MTMR3: variants seen among roughly 807,000 people sequenced by gnomAD.
The protein encoded by MTMR3 is myotubularin related protein 3.
A neutral mutation model predicts 132.4 loss-of-function variants in MTMR3; 32 were observed. The ratio of observed to expected loss-of-function variants is 0.24; its 90% CI spans 0.18 to 0.32. The LOEUF (loss-of-function observed/expected upper bound fraction) is 0.32. Among genes scored for constraint, MTMR3 ranks in the 10% least tolerant of loss-of-function variants. MTMR3 has a pLI of 1.00. For missense variants in MTMR3, 1,216 were observed against 1,489.6 expected (o/e 0.82, Z 3.02); for synonymous variants, 556 against 550.3 (o/e 1.01, Z -0.14).
At chr22:29,909,893 C>T (rs963966329) in intron 1 of MTMR3, among the ~76,000 whole-genome samples, 1 of 147,858 alleles carries the variant, frequency 6.8e-6, no homozygotes, top group Non-Finnish European at 1.5e-5. Context: ...CGGTGGCTCA[C>T]GCCTGTAATC....
At chr22:29,988,375 T>C in intron 5 of MTMR3, 105 bp from the exon 6 acceptor site, 2 of 721,024 alleles carry the variant, frequency 2.8e-6, no homozygotes, top group Non-Finnish European at 4.4e-6. Flanking sequence ...CTATTTTTGT[T>C]GCTTTCCCTT....
In MTMR3 at chr22:30,009,103, G is replaced by A. The variant is rs1473040797; in HGVS notation, c.1095G>A (p.Leu365=). 2.5e-6 allele frequency: 4 copies of A among 1,612,412 alleles called. No homozygotes were observed. Among genetic ancestry groups the A allele is most frequent in the African/African-American group, 2.7e-5 (2 of 74,842 alleles). The part of the protein sequence containing the change: ...IRRSFQSLRL[L]CTQMPDPGNW... ...GGAGTTTTCAGTCTCTGCGGTTGCT[G>A]TGCACTCAGATGCCAGATCCGGGAA... The change falls in exon 12 of 20, where the codon CTG becomes CTA. Residue 365 remains leucine (L), a synonymous_variant. Transcript: ENST00000401950.
intron 3 of MTMR3, among the ~76,000 whole-genome samples, chr22:29,976,896 T>C (rs2066640002): frequency 6.6e-6 from 1 of 152,156 alleles, no homozygotes; most frequent in African/African-American, 2.4e-5. Flanking sequence ...ACAAAATTAT[T>C]GGAATTGTGT....
At chr22:29,962,924 T>G (rs2066341119) in intron 2 of MTMR3, among the ~76,000 whole-genome samples, 1 of 150,752 alleles carries the variant, frequency 6.6e-6, no homozygotes, top group South Asian at 2.1e-4. Context: ...TTTTTTTTTT[T>G]TTGAGACAGG....
intron 7 of MTMR3, chr22:29,996,975 A>C (rs942428381): frequency 2.0e-5 from 3 of 152,210 alleles, no homozygotes; most frequent in Non-Finnish European, 4.4e-5. Flanking sequence ...GGGCTCAAGC[A>C]ATCTGCCTGC....
At chr22:29,932,753 AAACT>A (rs1225597725) in intron 1 of MTMR3, among the ~76,000 whole-genome samples, 2 of 152,190 alleles carry the variant, frequency 1.3e-5, no homozygotes, top group African/African-American at 4.8e-5. Context: ...CAGATTTTAA[AAACT>A]AACTTTGCTA....
intron 9 of MTMR3, 112 bp from the exon 10 acceptor site, chr22:30,007,002 A>G (rs1161893265): frequency 9.0e-7 from 1 of 1,109,724 alleles, no homozygotes; most frequent in Non-Finnish European, 1.3e-6. Context: ...CTTGAAGCTG[A>G]CCCAACACTT....
intron 1 of MTMR3, among the ~76,000 whole-genome samples, chr22:29,902,958 C>T (rs142087522): frequency 5.8e-4 from 89 of 152,264 alleles, no homozygotes; most frequent in Non-Finnish European, 9.8e-4. Context: ...TGTGGTGGCT[C>T]ACGCCTGGAA....
At position 29,978,455 on chromosome 22, in the gene MTMR3, G is replaced by A. The variant is rs765053016; in HGVS notation, c.17G>A (p.Arg6Gln). The A allele has an allele frequency of 8.7e-6, 14 of 1,611,560 alleles. No homozygotes were observed. The highest frequency in any genetic ancestry group is 1.3e-5 in the African/African-American group (1 of 74,866). ...GGACTTTTCCAGGATGAAGAGACTC[G>A]GCACAGCCTTGAGTGCATCCAGGCC... MDEET[R>Q]HSLECIQANQ... Residue 6 changes from arginine to glutamine, a missense_variant, in exon 4 of 20, where the codon CGG becomes CAG. This residue lies in a region of MTMR3 where 81 missense variants were observed against 87.7 expected (regional missense o/e 0.92). Coordinates refer to ENST00000401950, the MANE Select transcript of MTMR3 (RefSeq NM_021090.4).
chr22:29,967,244 CG>C (rs1569028486), intron 2 of MTMR3, among the ~76,000 whole-genome samples: 4 of 148,348 alleles, frequency 2.7e-5, no homozygotes, highest in African/African-American at 1.0e-4. Context: ...CATGCGCGCG[CG>C]CGCGCATGTT....
chr22:29,896,073 G>A (rs1210095650), intron 1 of MTMR3, among the ~76,000 whole-genome samples: 5 of 152,186 alleles, frequency 3.3e-5, no homozygotes, highest in African/African-American at 9.7e-5. Flanking sequence ...ACTTTGGGAG[G>A]CGGAGGTGGG....
intron 3 of MTMR3, among the ~76,000 whole-genome samples, chr22:29,975,972 A>G (rs1449961506): frequency 6.6e-6 from 1 of 152,156 alleles, no homozygotes; most frequent in Non-Finnish European, 1.5e-5. Context: ...TTTTTGTATT[A>G]TATTACATTA....
intron 2 of MTMR3, among the ~76,000 whole-genome samples, chr22:29,958,545 C>T (rs1784960276): frequency 6.6e-6 from 1 of 152,148 alleles, no homozygotes; most frequent in African/African-American, 2.4e-5. Flanking sequence ...TACTCTGCCG[C>T]CATGCCATTC....
intron 1 of MTMR3, among the ~76,000 whole-genome samples, chr22:29,950,703 T>G (rs2066059289): frequency 6.6e-6 from 1 of 152,210 alleles, no homozygotes. Flanking sequence ...AAATGCTGCC[T>G]TATAAAATTA....
chr22:29,911,439 A>ATGC (rs775049356), intron 1 of MTMR3, among the ~76,000 whole-genome samples: 1 of 152,082 alleles, frequency 6.6e-6, no homozygotes, highest in Non-Finnish European at 1.5e-5. Context: ...ACTACTTGGG[A>ATGC]TGCTGACATG....
chr22:29,925,917 A>G (rs963268372), intron 1 of MTMR3, among the ~76,000 whole-genome samples: 4 of 152,086 alleles, frequency 2.6e-5, no homozygotes, highest in African/African-American at 7.2e-5. Flanking sequence ...TCGGTCTCAA[A>G]AAATAAAATA....
At chr22:29,969,137 G>A (rs539800077) in intron 2 of MTMR3, among the ~76,000 whole-genome samples, 3 of 152,306 alleles carry the variant, frequency 2.0e-5, no homozygotes, top group African/African-American at 7.2e-5. Context: ...TTGGATATGT[G>A]ATAGGTTTTC....
At chr22:29,965,086 C>G (rs2066388641) in intron 2 of MTMR3, among the ~76,000 whole-genome samples, 1 of 152,104 alleles carries the variant, frequency 6.6e-6, no homozygotes, top group Non-Finnish European at 1.5e-5. Flanking sequence ...TTCGGTACCC[C>G]CAAACCCCAG....
chr22:29,976,968 A>C (rs2066641420), intron 3 of MTMR3, among the ~76,000 whole-genome samples: 1 of 152,170 alleles, frequency 6.6e-6, no homozygotes, highest in Admixed American at 6.5e-5. Flanking sequence ...CTGTCAGTTG[A>C]ACATGATGTG....
Sources: allele counts gnomAD v4.1 joint callset (sites outside exome capture counted in the v4.1 genomes callset), GRCh38; gene constraint gnomAD v4.1.1; regional missense constraint gnomAD v4.1.1; transcripts MANE v1.5; gene names NCBI Gene and HGNC (gene_info 2026-07-23, HGNC 2026-07-21).